Variants in FBLN1 observed in about 807,000 individuals in gnomAD.
FBLN1 encodes fibulin 1.
Under a neutral mutation model 89.7 loss-of-function variants are expected in FBLN1, and 34 were observed. The observed-to-expected ratio is 0.38, with a 90% CI of 0.29 to 0.50. The LOEUF is 0.50. Ranked by LOEUF, FBLN1 falls within the 20% of genes least tolerant of loss-of-function variation. The pLI is 0.92. For synonymous variants in FBLN1, 393 were observed against 391.3 expected, an observed-to-expected ratio of 1.00 and a Z score of -0.05; for missense variants, 777 against 988.1, an observed-to-expected ratio of 0.79 and a Z score of 2.86.
intron 2 of FBLN1, 41 bp from the exon 3 acceptor site, chr22:45,525,502 C>T (rs1267779340): frequency 3.8e-5 from 59 of 1,547,390 alleles, no homozygotes; most frequent in Non-Finnish European, 5.1e-5. Flanking sequence ...CCTGGGCCCC[C>T]TGCGCACAGA....
intron 7 of FBLN1, among the ~76,000 whole-genome samples, chr22:45,534,279 C>G (rs1322071735): frequency 1.9e-5 from 2 of 103,546 alleles, no homozygotes; most frequent in East Asian, 6.2e-4. Context: ...CAGGTTCTCA[C>G]ATGTACTTTC....
rs892896647 is a variant in FBLN1 at position 45,550,155 on chromosome 22, G to A, written c.1574-337G>A. Among the ~76,000 whole-genome samples, 2 of 152,186 alleles carry A rather than the reference G, an allele frequency of 1.3e-5. No individual in the cohort carries two copies. Among genetic ancestry groups the A allele is most frequent in the African/African-American group, 4.8e-5 (2 of 41,444 alleles). On this transcript the variant is annotated intron_variant, in intron 13 of 16. Coordinates refer to ENST00000327858, the MANE Select transcript of FBLN1 (RefSeq NM_006486.3). This position sits in a 1 kb window ranked among gnomAD's most constrained non-coding sequence, Gnocchi z 8.4. ...CTCTGTGAGCTCCTCATAAAATGAG[G>A]ATCATAACAGTATCTGCCTCATTGA...
chr22:45,565,501 A>T, intron 14 of FBLN1: 1 of 313,454 alleles, frequency 3.2e-6, no homozygotes, highest in Non-Finnish European at 6.2e-6. Context: ...CAGTGCAGTT[A>T]GCCTGAGCTC....
In FBLN1 at chr22:45,583,038, T is replaced by G. The variant is rs739216; in HGVS notation, c.1972+5930T>G. On this transcript the variant is annotated intron_variant, in intron 16 of 16. Coordinates refer to ENST00000327858, the MANE Select transcript of FBLN1 (RefSeq NM_006486.3). The surrounding 1 kb of genome is among the most constrained non-coding windows in gnomAD (Gnocchi z 4.5). ...TACGTCCACCCACCCTGTGCCCAGA[T>G]CCCCTTCGCAAGCACCATATGCTGT... 0.36 allele frequency among the ~76,000 whole-genome samples: 54,377 copies of G among 151,940 alleles called. 11,608 individuals are homozygous for G. Among genetic ancestry groups the G allele is most frequent in the Admixed American group, 0.52 (7,941 of 15,284 alleles).
Position 45,588,876 on chromosome 22 carries a change from T to TAA in FBLN1, c.1973-11429_1973-11428dup, listed in dbSNP as rs1317805889. On this transcript the variant is annotated intron_variant, in intron 16 of 16. Coordinates refer to ENST00000327858, the MANE Select transcript of FBLN1 (RefSeq NM_006486.3). The surrounding 1 kb of genome is among the most constrained non-coding windows in gnomAD (Gnocchi z 5.1). The stretch of plus-strand genomic sequence containing the variant: ...TTTGGCGGCCTCTCCTAACCGTCTT[T>TAA]AAATCTGCGAAAGGATCTCAGTGCC... 8.0e-5 allele frequency among the ~76,000 whole-genome samples: 12 copies of TAA among 150,802 alleles called. No homozygotes were observed. Among genetic ancestry groups the TAA allele is most frequent in the Non-Finnish European group, 1.8e-4 (12 of 67,844 alleles).
At chr22:45,529,303 G>T (rs1936635081) in intron 4 of FBLN1, among the ~76,000 whole-genome samples, 2 of 152,236 alleles carry the variant, frequency 1.3e-5, no homozygotes, top group African/African-American at 4.8e-5. Context: ...CAGCAAAGGG[G>T]CATGTGACCC....
intron 16 of FBLN1, 118 bp from the exon 17 acceptor site, chr22:45,600,189 C>G: frequency 2.4e-6 from 3 of 1,228,332 alleles, no homozygotes; most frequent in Non-Finnish European, 3.6e-6. Context: ...TAGGATGGGA[C>G]TCCATGAGGT....
At position 45,556,257 on chromosome 22, in the gene FBLN1, A is replaced by G. The variant is rs2088786836; in HGVS notation, c.1697+5642A>G. 6.6e-6 allele frequency among the ~76,000 whole-genome samples: 1 copy of G among 152,146 alleles called. No homozygotes were observed. The highest frequency in any genetic ancestry group is 2.4e-5 in the African/African-American group (1 of 41,438). ...GTGATCCTCCCGCCTCGGCCTCCCA[A>G]AATGCTGGGATTACAGTCGTGAGCC... On this transcript the variant is annotated intron_variant, in intron 14 of 16. Transcript: ENST00000327858. This position sits in a 1 kb window ranked among gnomAD's most constrained non-coding sequence, Gnocchi z 4.6.
At chr22:45,529,218 G>A (rs1175362691) in intron 4 of FBLN1, among the ~76,000 whole-genome samples, 2 of 152,232 alleles carry the variant, frequency 1.3e-5, no homozygotes, top group South Asian at 2.1e-4. Context: ...TGGAGCTGAC[G>A]ATGTATGGGC....
rs138179909 is a variant in FBLN1, at chr22:45,511,326, G to A, written c.80-7356G>A. On this transcript the variant is annotated intron_variant, in intron 1 of 16. Transcript: ENST00000327858. ...TACGTCACCATGCCTGGTTAATTTT[G>A]TATTTTTAGTAGAGACGGGCTTTCT... 5.1e-3 allele frequency among the ~76,000 whole-genome samples: 765 copies of A among 149,902 alleles called. 8 individuals carry two copies. The highest frequency in any genetic ancestry group is 0.018 in the African/African-American group (735 of 40,700).
chr22:45,548,799 G>A (rs2146992063), intron 13 of FBLN1, 55 bp downstream of exon 13: 1 of 1,605,700 alleles, frequency 6.2e-7, no homozygotes, highest in Non-Finnish European at 8.5e-7. Flanking sequence ...GCCCTGCAAT[G>A]TCGTGGGGCT....
intron 12 of FBLN1, among the ~76,000 whole-genome samples, chr22:45,548,239 C>A (rs182906861): frequency 6.6e-6 from 1 of 152,292 alleles, no homozygotes; most frequent in Non-Finnish European, 1.5e-5. Flanking sequence ...TTTGTAGACA[C>A]AGGGTCTCAC....
At chr22:45,596,025 A>G (rs998884170) in intron 16 of FBLN1, among the ~76,000 whole-genome samples, 1 of 152,082 alleles carries the variant, frequency 6.6e-6, no homozygotes, top group East Asian at 1.9e-4. Context: ...GTGTCCCACC[A>G]CGCTCGGCTA....
Position 45,536,259 on chromosome 22 carries a change from G to A in FBLN1, c.922+922G>A, listed in dbSNP as rs879637438. ...ACAGAAAGTAGAATGGAAGGTGCCG[G>A]GGCTGGGCAGGGTGGGGGATGGGGA... On this transcript the variant is annotated intron_variant, in intron 8 of 16. Coordinates refer to ENST00000327858, the MANE Select transcript of FBLN1 (RefSeq NM_006486.3). The surrounding 1 kb of genome is among the most constrained non-coding windows in gnomAD (Gnocchi z 5.1). Among the ~76,000 whole-genome samples, 5 of 152,148 alleles carry A rather than the reference G, an allele frequency of 3.3e-5. No individual in the cohort carries two copies. Among genetic ancestry groups the A allele is most frequent in the Non-Finnish European group, 7.3e-5 (5 of 68,028 alleles).
chr22:45,503,189 C>G, intron 1 of FBLN1, 125 bp downstream of exon 1: 35 of 326,858 alleles, frequency 1.1e-4, no homozygotes, highest in East Asian at 3.5e-4. Flanking sequence ...CGCCCCCGGA[C>G]TGTCAGCGCC....
In FBLN1 at chr22:45,519,086, T is replaced by C. The variant is rs142245524; in HGVS notation, c.185+299T>C. 3.5e-3 allele frequency among the ~76,000 whole-genome samples: 530 copies of C among 151,912 alleles called. 5 individuals carry two copies. In the East Asian group the frequency reaches 0.036, roughly 10 times the overall value. On this transcript the variant is annotated intron_variant, in intron 2 of 16. Coordinates refer to ENST00000327858, the MANE Select transcript of FBLN1 (RefSeq NM_006486.3). Reference sequence around the variant, plus strand: ...CTGTGGGCAAGTCAGTTTTCTCTTTTAAAAAAGGGGGGACAGTTGTGGGGG... The same window carrying C: ...CTGTGGGCAAGTCAGTTTTCTCTTTCAAAAAAGGGGGGACAGTTGTGGGGG...
intron 14 of FBLN1, among the ~76,000 whole-genome samples, chr22:45,555,290 T>TAA (rs58144099): frequency 6.9e-6 from 1 of 143,992 alleles, no homozygotes; most frequent in African/African-American, 2.5e-5. Context: ...TATATATATA[T>TAA]AAAATGGAAT....
chr22:45,533,294 C>T (rs914694856), intron 6 of FBLN1, 130 bp downstream of exon 6: 8 of 836,812 alleles, frequency 9.6e-6, no homozygotes, highest in East Asian at 5.2e-5. Flanking sequence ...CAGCCCAGGA[C>T]GCGCTTTCTC....
At position 45,525,533 on chromosome 22, in the gene FBLN1, T is replaced by G. The variant is rs2088314866; in HGVS notation, c.186-10T>G. On this transcript the variant is annotated splice_polypyrimidine_tract_variant and intron_variant, in intron 2 of 16. Coordinates refer to ENST00000327858, the MANE Select transcript of FBLN1 (RefSeq NM_006486.3). Reference sequence around the variant, plus strand: ...ACAGAGCCTTGGCCCAGCCCACCCCTCACCCACAGGATGGTGCAGGAGCAG... The same window carrying G: ...ACAGAGCCTTGGCCCAGCCCACCCCGCACCCACAGGATGGTGCAGGAGCAG... 1 of 1,545,652 alleles carries G rather than the reference T, an allele frequency of 6.5e-7. No homozygotes were observed. Among genetic ancestry groups the G allele is most frequent in the African/African-American group, 1.4e-5 (1 of 72,818 alleles).
Sources: gnomAD v4.1 joint callset for allele counts (sites outside exome capture counted in the v4.1 genomes callset) on GRCh38, gnomAD v4.1.1 for gene constraint, Gnocchi (gnomAD v3.1) non-coding constraint, MANE v1.5 for transcripts, NCBI Gene and HGNC (gene_info 2026-07-23, HGNC 2026-07-21) for gene names.